Variants in MSRB3 observed in about 807,000 individuals in gnomAD.
The protein encoded by MSRB3 is methionine-R-sulfoxide reductase B3.
In MSRB3, 13 loss-of-function variants were observed where a neutral mutation model predicts 21.0. The observed-to-expected ratio is 0.62, with a 90% CI of 0.40 to 0.98. The LOEUF (loss-of-function observed/expected upper bound fraction) is 0.98. Ranked by LOEUF, MSRB3 falls within the 50% of genes least tolerant of loss-of-function variation. The pLI, the probability that MSRB3 is intolerant of heterozygous loss-of-function variation, is 0.00. For missense variants in MSRB3, 199 were observed against 230.3 expected (o/e 0.86, Z 0.88); for synonymous variants, 87 against 88.6 (o/e 0.98, Z 0.10).
At chr12:65,357,451 C>G (rs1342092498) in intron 4 of MSRB3, among the ~76,000 whole-genome samples, 1 of 151,964 alleles carries the variant, frequency 6.6e-6, no homozygotes, top group East Asian at 1.9e-4. Context: ...CATATACCCT[C>G]TCACCCAGTT....
chr12:65,419,190 C>A, intron 5 of MSRB3: 1 of 702,918 alleles, frequency 1.4e-6, no homozygotes. Flanking sequence ...CTGTGGTACT[C>A]TCCTTAATCT....
chr12:65,319,519 A>G (rs557733485), intron 2 of MSRB3, among the ~76,000 whole-genome samples: 2 of 152,300 alleles, frequency 1.3e-5, no homozygotes, highest in East Asian at 3.9e-4. Flanking sequence ...CTCTCTTTAC[A>G]CAAAACTTTG....
Position 65,458,744 on chromosome 12 carries a change from C to T in MSRB3, c.391-4411C>T, listed in dbSNP as rs115226882. ...AGAGGATCTTCATCTTAAATTTACT[C>T]GCTTTGGTGGGCACATGTATTTTCC... On this transcript the variant is annotated intron_variant, in intron 6 of 6. Coordinates refer to ENST00000308259, the MANE Select transcript of MSRB3 (RefSeq NM_001031679.3). 2.6e-3 allele frequency among the ~76,000 whole-genome samples: 395 copies of T among 152,284 alleles called. 1 individual carries two copies. The highest frequency in any genetic ancestry group is 8.3e-3 in the African/African-American group (345 of 41,556).
chr12:65,443,369 T>G (rs1882471938), intron 5 of MSRB3, among the ~76,000 whole-genome samples: 1 of 152,092 alleles, frequency 6.6e-6, no homozygotes, highest in Non-Finnish European at 1.5e-5. Flanking sequence ...TGTTAATAAT[T>G]TTTTGAAGAA....
chr12:65,377,439 CCGCCCTTCTGCA>C (rs1878691092), intron 5 of MSRB3, among the ~76,000 whole-genome samples: 1 of 151,884 alleles, frequency 6.6e-6, no homozygotes, highest in East Asian at 1.9e-4. Context: ...CCTCCGTCCC[CCGCCCTTCTGCA>C]ACCATGCCTG....
chr12:65,279,089 C>T (rs1228040801), intron 1 of MSRB3: 8 of 1,392,908 alleles, frequency 5.7e-6, no homozygotes, highest in South Asian at 1.6e-5. Context: ...CTGGTTTCCC[C>T]CCACCCGCCG....
chr12:65,394,592 A>G (rs763539549), intron 5 of MSRB3, among the ~76,000 whole-genome samples: 1 of 152,216 alleles, frequency 6.6e-6, no homozygotes, highest in Non-Finnish European at 1.5e-5. Context: ...AACTCATTCT[A>G]CAGGGTCACT....
At chr12:65,314,609 A>G (rs1432109689) in intron 2 of MSRB3, among the ~76,000 whole-genome samples, 1 of 152,244 alleles carries the variant, frequency 6.6e-6, no homozygotes, top group African/African-American at 2.4e-5. Context: ...CAACAATAAG[A>G]CTGTATGAAT....
chr12:65,438,795 A>G (rs1262017795), intron 5 of MSRB3, among the ~76,000 whole-genome samples: 1 of 151,798 alleles, frequency 6.6e-6, no homozygotes, highest in African/African-American at 2.4e-5. Context: ...ATTTTCCAAT[A>G]ACAGCAGATA....
chr12:65,402,916 T>G (rs1157815977), intron 5 of MSRB3, among the ~76,000 whole-genome samples: 3 of 152,184 alleles, frequency 2.0e-5, no homozygotes, highest in African/African-American at 7.2e-5. Context: ...CCTGTTTGCT[T>G]GGGTATCACT....
At chr12:65,304,491 T>A (rs745707788) in intron 1 of MSRB3, among the ~76,000 whole-genome samples, 24 of 152,170 alleles carry the variant, frequency 1.6e-4, no homozygotes, top group Non-Finnish European at 3.4e-4. Context: ...GTCTGGCTTT[T>A]AAAAAAATAA....
At chr12:65,291,136 A>G (rs1314772139) in intron 1 of MSRB3, among the ~76,000 whole-genome samples, 1 of 150,996 alleles carries the variant, frequency 6.6e-6, no homozygotes, top group African/African-American at 2.4e-5. Context: ...CCCAGGCTGG[A>G]GTGCAGTGGC....
At position 65,374,999 on chromosome 12, in the gene MSRB3, G is replaced by A. The variant is rs370247075; in HGVS notation, c.292+5973G>A. On this transcript the variant is annotated intron_variant, in intron 5 of 6. Coordinates refer to ENST00000308259, the MANE Select transcript of MSRB3 (RefSeq NM_001031679.3). Reference sequence around the variant, plus strand: ...CGAGTAGCCGGGACTACAGGCACCCGCCACCACGCCTGGCTTTTTTTTTTT... The same window carrying A: ...CGAGTAGCCGGGACTACAGGCACCCACCACCACGCCTGGCTTTTTTTTTTT... 6.9e-5 allele frequency among the ~76,000 whole-genome samples: 10 copies of A among 144,674 alleles called. No homozygotes were observed. In the South Asian group the frequency reaches 2.0e-3, roughly 30 times the overall value. 94.9% of individuals were successfully genotyped at this position (144,674 alleles called of 152,430 possible). A position where few individuals can be genotyped will look rare whatever the true frequency, so the allele number is the denominator to read the frequency against.
At chr12:65,345,829 G>T (rs1876461479) in intron 4 of MSRB3, among the ~76,000 whole-genome samples, 1 of 152,086 alleles carries the variant, frequency 6.6e-6, no homozygotes, top group Non-Finnish European at 1.5e-5. Context: ...AGAACATGTG[G>T]TGTTTGGTTT....
chr12:65,350,618 T>G (rs1176573857), intron 4 of MSRB3, among the ~76,000 whole-genome samples: 3 of 149,200 alleles, frequency 2.0e-5, no homozygotes. Flanking sequence ...TGGAGGAAGA[T>G]CTACCAAGCA....
intron 1 of MSRB3, chr12:65,279,109 G>T (rs1461890172): frequency 2.2e-6 from 3 of 1,380,996 alleles, no homozygotes; most frequent in South Asian, 1.6e-5. Context: ...GAAGGGAGGC[G>T]TCTGGCAGCC....
chr12:65,314,869 G>C (rs754639400), intron 2 of MSRB3, among the ~76,000 whole-genome samples: 2 of 152,134 alleles, frequency 1.3e-5, no homozygotes, highest in Non-Finnish European at 2.9e-5. Context: ...AGAATATCTA[G>C]ACAATATGCA....
At chr12:65,305,080 T>G (rs1873570687) in intron 1 of MSRB3, 1 of 151,868 alleles carries the variant, frequency 6.6e-6, no homozygotes, top group Admixed American at 6.6e-5. Context: ...TTCTTTTTTT[T>G]TTTTTTGAGA....
At chr12:65,333,138 T>C (rs115657286) in intron 4 of MSRB3, among the ~76,000 whole-genome samples, 141 of 152,330 alleles carry the variant, frequency 9.3e-4, no homozygotes, top group Non-Finnish European at 1.6e-3. Flanking sequence ...TTTTTGACCA[T>C]TTATATTTTG....
Sources: gnomAD v4.1 joint callset for allele counts (sites outside exome capture counted in the v4.1 genomes callset) on GRCh38, gnomAD v4.1.1 for gene constraint, MANE v1.5 for transcripts, NCBI Gene and HGNC (gene_info 2026-07-23, HGNC 2026-07-21) for gene names.